NTM: variants seen among roughly 807,000 people sequenced by gnomAD.
The protein encoded by NTM is IgLON family member 2.
NTM carries 13 observed loss-of-function variants against 42.1 expected under a neutral mutation model. The observed-to-expected ratio is 0.31, with a 90% confidence interval of 0.20 to 0.49. The LOEUF is 0.49. NTM is among the 20% of genes least tolerant of loss of function. The pLI, the probability that NTM is intolerant of heterozygous loss-of-function variation, is 0.99. For missense variants in NTM, 373 were observed against 452.8 expected (o/e 0.82, Z 1.60); for synonymous variants, 187 against 179.2 (o/e 1.04, Z -0.35).
At position 132,251,629 on chromosome 11, in the gene NTM, A is replaced by G. The variant is rs116254645; in HGVS notation, c.526+39482A>G. ...TCACTTTGTACAAAGATCAAAGTTT[A>G]TATCTTTCTGTGTCTCAATATCCTT... is the stretch of plus-strand genomic sequence containing the variant. On this transcript the variant is annotated intron_variant, in intron 4 of 8. Coordinates refer to ENST00000683400, the MANE Select transcript of NTM (RefSeq NM_001352005.2). Among the ~76,000 whole-genome samples the G allele has an allele frequency of 4.3e-3, 650 of 152,318 alleles. 4 individuals carry two copies. Among genetic ancestry groups the G allele is most frequent in the African/African-American group, 0.015 (618 of 41,576 alleles).
intron 4 of NTM, among the ~76,000 whole-genome samples, chr11:132,285,508 C>T (rs557105799): frequency 2.0e-5 from 3 of 152,280 alleles, no homozygotes; most frequent in Admixed American, 6.5e-5. Flanking sequence ...AGCCACCCCT[C>T]GACAGCCTGA....
At chr11:131,926,501 GAC>G (rs2057975896) in intron 2 of NTM, among the ~76,000 whole-genome samples, 1 of 151,992 alleles carries the variant, frequency 6.6e-6, no homozygotes, top group African/African-American at 2.4e-5. Flanking sequence ...CAAGTGGAAT[GAC>G]CTAGTCAAAG....
At chr11:131,645,082 T>TA (rs2065608105) in intron 1 of NTM, among the ~76,000 whole-genome samples, 1 of 152,182 alleles carries the variant, frequency 6.6e-6, no homozygotes, top group Non-Finnish European at 1.5e-5. Flanking sequence ...GACCAGACTC[T>TA]AGGCCCTATT....
chr11:131,722,265 T>C (rs1420081407), intron 1 of NTM, among the ~76,000 whole-genome samples: 1 of 152,162 alleles, frequency 6.6e-6, no homozygotes, highest in Non-Finnish European at 1.5e-5. Flanking sequence ...ACCATCTCAC[T>C]ACACTTAGAT....
intron 4 of NTM, among the ~76,000 whole-genome samples, chr11:132,256,305 A>T (rs2092464188): frequency 6.6e-6 from 1 of 152,210 alleles, no homozygotes; most frequent in Non-Finnish European, 1.5e-5. Flanking sequence ...TCATGACCAT[A>T]GCATCTGAAA....
chr11:132,136,163 T>C (rs2067886017), intron 2 of NTM, among the ~76,000 whole-genome samples: 1 of 152,040 alleles, frequency 6.6e-6, no homozygotes, highest in Admixed American at 6.5e-5. Flanking sequence ...GCCCCTGCAG[T>C]GTGTATTGCA....
chr11:131,872,745 T>A (rs75567212), intron 1 of NTM, among the ~76,000 whole-genome samples: 3,194 of 152,318 alleles, frequency 0.021, 225 homozygotes, highest in East Asian at 0.2. Flanking sequence ...CCATTAAGAT[T>A]TTGTTAAAGA....
intron 1 of NTM, among the ~76,000 whole-genome samples, chr11:131,763,238 A>G (rs910053404): frequency 6.6e-6 from 1 of 152,238 alleles, no homozygotes; most frequent in Admixed American, 6.5e-5. Context: ...TTGATTTAAC[A>G]TCAAATATTT....
At chr11:132,047,996 A>G (rs1309962822) in intron 2 of NTM, among the ~76,000 whole-genome samples, 1 of 150,696 alleles carries the variant, frequency 6.6e-6, no homozygotes, top group Non-Finnish European at 1.5e-5. Flanking sequence ...ATTAGTTCCT[A>G]TTAACTTTTT....
intron 1 of NTM, among the ~76,000 whole-genome samples, chr11:131,809,223 A>G (rs1466048755): frequency 6.6e-6 from 1 of 152,234 alleles, no homozygotes; most frequent in Non-Finnish European, 1.5e-5. Flanking sequence ...CTTTGAAAGA[A>G]TAGTAAAATT....
At chr11:131,549,572 A>G (rs79699789) in intron 1 of NTM, among the ~76,000 whole-genome samples, 8,203 of 152,196 alleles carry the variant, frequency 0.054, 240 homozygotes, top group Middle Eastern at 0.11. Context: ...GAAAACATCA[A>G]CAACAAAACA....
intron 1 of NTM, among the ~76,000 whole-genome samples, chr11:131,694,587 C>A (rs553377722): frequency 7.9e-5 from 12 of 152,040 alleles, no homozygotes; most frequent in Non-Finnish European, 1.8e-4. Flanking sequence ...CGGGAAAGGG[C>A]GTGCAAGGCT....
chr11:132,197,480 TGAAA>T (rs1463785703), intron 3 of NTM, among the ~76,000 whole-genome samples: 2 of 152,134 alleles, frequency 1.3e-5, no homozygotes, highest in Non-Finnish European at 2.9e-5. Context: ...TTTTTAATTT[TGAAA>T]GAGAGATGTT....
At chr11:131,819,392 G>A (rs2093084619) in intron 1 of NTM, among the ~76,000 whole-genome samples, 1 of 152,142 alleles carries the variant, frequency 6.6e-6, no homozygotes, top group East Asian at 1.9e-4. Flanking sequence ...TGAGTTTAGG[G>A]AAAACTCAGA....
chr11:131,838,038 C>G (rs1003413818), intron 1 of NTM, among the ~76,000 whole-genome samples: 2 of 152,114 alleles, frequency 1.3e-5, no homozygotes, highest in Non-Finnish European at 2.9e-5. Flanking sequence ...ATATTTACCA[C>G]CTGGGAAACA....
At chr11:131,898,570 C>T (rs1013405483) in intron 1 of NTM, among the ~76,000 whole-genome samples, 4 of 152,206 alleles carry the variant, frequency 2.6e-5, no homozygotes, top group Admixed American at 6.5e-5. Context: ...TTCCAGCAGT[C>T]TGTAGCCATG....
chr11:131,607,513 T>C (rs898685807), intron 1 of NTM, among the ~76,000 whole-genome samples: 2 of 152,204 alleles, frequency 1.3e-5, no homozygotes, highest in East Asian at 3.9e-4. Flanking sequence ...AATTGCAACT[T>C]TGTCATTTTT....
chr11:131,855,180 G>A (rs758797553), intron 1 of NTM, among the ~76,000 whole-genome samples: 25 of 152,108 alleles, frequency 1.6e-4, no homozygotes, highest in Non-Finnish European at 2.9e-4. Context: ...CAATTTAAGC[G>A]GAGGACTTTT....
At chr11:131,642,615 T>C (rs554178751) in intron 1 of NTM, among the ~76,000 whole-genome samples, 5 of 152,262 alleles carry the variant, frequency 3.3e-5, no homozygotes, top group Admixed American at 1.3e-4. Flanking sequence ...GCCCATTCCC[T>C]GATGCCTGTC....
Sources: allele counts gnomAD v4.1 joint callset (sites outside exome capture counted in the v4.1 genomes callset), GRCh38; gene constraint gnomAD v4.1.1; transcripts MANE v1.5; gene names NCBI Gene and HGNC (gene_info 2026-07-23, HGNC 2026-07-21).